The following PPARGC1A variants were observed in gnomAD, a reference collection of about 807,000 sequenced individuals.
PPARGC1A encodes peroxisome proliferator-activated receptor gamma coactivator 1-alpha.
A neutral mutation model predicts 88.7 loss-of-function variants in PPARGC1A; 25 were observed. The ratio of observed to expected loss-of-function variants is 0.28; its 90% CI spans 0.21 to 0.39. PPARGC1A has a LOEUF of 0.39. PPARGC1A is among the 10% of genes least tolerant of loss of function. The pLI is 1.00. For missense variants in PPARGC1A, 880 were observed against 968.7 expected, an observed-to-expected ratio of 0.91 and a Z score of 1.22; for synonymous variants, 363 against 355.6, an observed-to-expected ratio of 1.02 and a Z score of -0.24.
At chr4:24,182,160 C>T in the PPARGC1A span, among the ~76,000 whole-genome samples, 2,629 of 152,188 alleles carry the variant, frequency 0.017, 81 homozygotes, top group East Asian at 0.098. Flanking sequence ...GCTCCCACCC[C>T]GACAGGCTTC....
intron 12 of PPARGC1A, among the ~76,000 whole-genome samples, chr4:23,797,476 T>C (rs1717818923): frequency 6.6e-6 from 1 of 152,210 alleles, no homozygotes. Flanking sequence ...AAAGTCAGCC[T>C]GGAACCATCA....
chr4:24,220,193 GA>G, the PPARGC1A span, among the ~76,000 whole-genome samples: 1 of 152,182 alleles, frequency 6.6e-6, no homozygotes, highest in African/African-American at 2.4e-5. Context: ...ACACCAGTCA[GA>G]ATGGCTATTA....
the PPARGC1A span, among the ~76,000 whole-genome samples, chr4:24,362,392 G>A: frequency 6.7e-6 from 1 of 149,474 alleles, no homozygotes; most frequent in Admixed American, 6.6e-5. Context: ...ATGGATGGAT[G>A]GATTTATTGA....
chr4:24,359,389 C>T, the PPARGC1A span, among the ~76,000 whole-genome samples: 1 of 152,132 alleles, frequency 6.6e-6, no homozygotes, highest in Non-Finnish European at 1.5e-5. Flanking sequence ...CCATTTATAC[C>T]TTTATCCCGG....
the PPARGC1A span, among the ~76,000 whole-genome samples, chr4:24,193,447 A>T: frequency 1.3e-5 from 2 of 152,210 alleles, no homozygotes; most frequent in South Asian, 2.1e-4. Flanking sequence ...CTAGAAGGGC[A>T]TCGTGGCAGG....
At chr4:24,205,457 A>T in the PPARGC1A span, among the ~76,000 whole-genome samples, 1 of 152,202 alleles carries the variant, frequency 6.6e-6, no homozygotes, top group Non-Finnish European at 1.5e-5. Flanking sequence ...TGGCTGAAAA[A>T]CTAGAGTCCC....
upstream of PPARGC1A, among the ~76,000 whole-genome samples, chr4:23,894,549 A>G (rs1718292211): frequency 6.6e-6 from 1 of 152,166 alleles, no homozygotes; most frequent in Admixed American, 6.6e-5. Flanking sequence ...AATGTCTCCT[A>G]GCATTTATTT....
the PPARGC1A span, among the ~76,000 whole-genome samples, chr4:24,201,073 T>C: frequency 6.6e-6 from 1 of 152,224 alleles, no homozygotes; most frequent in Non-Finnish European, 1.5e-5. Flanking sequence ...GTATATTATC[T>C]GTTATAAAAA....
the PPARGC1A span, among the ~76,000 whole-genome samples, chr4:24,110,862 C>A: frequency 2.6e-5 from 4 of 152,100 alleles, no homozygotes; most frequent in South Asian, 8.3e-4. Flanking sequence ...ATGTATACTA[C>A]CTTGCTTAAG....
the PPARGC1A span, among the ~76,000 whole-genome samples, chr4:24,040,209 G>T: frequency 1.3e-5 from 2 of 152,162 alleles, no homozygotes; most frequent in Non-Finnish European, 2.9e-5. Flanking sequence ...GTTTTCCTAT[G>T]CTACCTGTTC....
At chr4:23,901,765 T>C (rs1278819307), upstream of PPARGC1A, among the ~76,000 whole-genome samples, 1 of 152,210 alleles carries the variant, frequency 6.6e-6, no homozygotes, top group Admixed American at 6.5e-5. Flanking sequence ...CAGTGGGCTA[T>C]CAACTAAATT....
chr4:23,811,918 TTTTTTTTTTTTTTTTTTG>T (rs1720980768), intron 10 of PPARGC1A, among the ~76,000 whole-genome samples: 1 of 69,254 alleles, frequency 1.4e-5, no homozygotes, highest in African/African-American at 5.3e-5. Flanking sequence ...TTTTTTTTTT[TTTTTTTTTTTTTTTTTTG>T]AGACAGAGTC....
chr4:24,241,367 C>A, the PPARGC1A span, among the ~76,000 whole-genome samples: 1 of 152,198 alleles, frequency 6.6e-6, no homozygotes, highest in Non-Finnish European at 1.5e-5. Flanking sequence ...TAGACTTGAA[C>A]TCAGCTGGAA....
the PPARGC1A span, among the ~76,000 whole-genome samples, chr4:24,407,921 G>A: frequency 1.5e-3 from 223 of 152,272 alleles, 1 homozygote; most frequent in African/African-American, 5.0e-3. Context: ...CAAAATGGGA[G>A]ACAGCTACTT....
the PPARGC1A span, among the ~76,000 whole-genome samples, chr4:23,910,304 CTATATATAATAT>C: frequency 7.4e-4 from 33 of 44,668 alleles, 1 homozygote; most frequent in East Asian, 9.0e-3. Context: ...TATATTAACC[CTATATATAATAT>C]TATATATATT....
At chr4:24,075,083 A>G in the PPARGC1A span, among the ~76,000 whole-genome samples, 2 of 152,234 alleles carry the variant, frequency 1.3e-5, no homozygotes, top group Admixed American at 1.3e-4. Context: ...GGGGAGAAGA[A>G]AAATTCTACA....
At chr4:24,147,804 G>A in the PPARGC1A span, among the ~76,000 whole-genome samples, 1 of 152,044 alleles carries the variant, frequency 6.6e-6, no homozygotes, top group African/African-American at 2.4e-5. Flanking sequence ...AAAAGTAGCC[G>A]GACATGGTGT....
chr4:24,332,444 C>A, the PPARGC1A span, among the ~76,000 whole-genome samples: 1 of 152,184 alleles, frequency 6.6e-6, no homozygotes, highest in African/African-American at 2.4e-5. Flanking sequence ...CTATGGTAAA[C>A]ACAGAAATTC....
At chr4:23,834,308 C>CAT (rs1047074312) in intron 2 of PPARGC1A, among the ~76,000 whole-genome samples, 10 of 149,750 alleles carry the variant, frequency 6.7e-5, no homozygotes, top group African/African-American at 2.0e-4. Context: ...TCAAAAAAAA[C>CAT]ATATATATAT....
Sources: allele counts gnomAD v4.1 joint callset (sites outside exome capture counted in the v4.1 genomes callset), GRCh38; gene constraint gnomAD v4.1.1; transcripts MANE v1.5; gene names NCBI Gene and HGNC (gene_info 2026-07-23, HGNC 2026-07-21).